Variants in COL19A1 observed in about 807,000 individuals in gnomAD.
COL19A1 encodes the protein collagen alpha-1(XIX) chain.
In COL19A1, 159 loss-of-function variants were observed where a neutral mutation model predicts 190.2. The ratio of observed to expected loss-of-function variants is 0.84; its 90% confidence interval spans 0.73 to 0.95. The LOEUF (loss-of-function observed/expected upper bound fraction) is 0.95, where lower values mean the gene tolerates loss of function less well. Ranked by LOEUF, COL19A1 falls within the 40% of genes least tolerant of loss-of-function variation. COL19A1 has a pLI of 0.00. For synonymous variants in COL19A1, 509 were observed against 458.9 expected, an observed-to-expected ratio of 1.11 and a Z score of -1.39; for missense variants, 1,418 against 1,431.9, an observed-to-expected ratio of 0.99 and a Z score of 0.16.
At chr6:69,983,304 C>T (rs189200624) in intron 11 of COL19A1, among the ~76,000 whole-genome samples, 68 of 152,196 alleles carry the variant, frequency 4.5e-4, no homozygotes, top group Non-Finnish European at 7.4e-4. Flanking sequence ...ATTTTAACTT[C>T]CAATTGCTTC....
intron 15 of COL19A1, among the ~76,000 whole-genome samples, chr6:70,071,545 TG>T (rs1781557500): frequency 6.6e-6 from 1 of 152,314 alleles, no homozygotes; most frequent in South Asian, 2.1e-4. Flanking sequence ...TTTCATTTTT[TG>T]GATCTTTTAT....
At chr6:70,023,356 G>C (rs1051496994) in intron 11 of COL19A1, among the ~76,000 whole-genome samples, 1 of 151,962 alleles carries the variant, frequency 6.6e-6, no homozygotes, top group African/African-American at 2.4e-5. Context: ...GGCTGGTCTC[G>C]AAATCCTGAC....
At chr6:70,146,433 C>A (rs888958543) in intron 25 of COL19A1, among the ~76,000 whole-genome samples, 1 of 151,794 alleles carries the variant, frequency 6.6e-6, no homozygotes. Flanking sequence ...AATAATATTT[C>A]TCAATATCAG....
intron 35 of COL19A1, 92 bp from the exon 36 acceptor site, chr6:70,163,251 T>A: frequency 8.6e-7 from 1 of 1,160,512 alleles, no homozygotes; most frequent in South Asian, 1.4e-5. Flanking sequence ...TCAAATGACC[T>A]TCAAAATGTG....
intron 15 of COL19A1, among the ~76,000 whole-genome samples, chr6:70,082,097 A>T (rs1782291948): frequency 6.6e-6 from 1 of 152,158 alleles, no homozygotes; most frequent in African/African-American, 2.4e-5. Context: ...AACATTTCAA[A>T]TTTTATTTTC....
intron 48 of COL19A1, among the ~76,000 whole-genome samples, chr6:70,198,798 G>A (rs1257852254): frequency 6.6e-6 from 1 of 152,122 alleles, no homozygotes; most frequent in Non-Finnish European, 1.5e-5. Context: ...ATGGGTCAGG[G>A]ACTTGAAGTG....
intron 15 of COL19A1, among the ~76,000 whole-genome samples, chr6:70,097,711 G>A (rs3806025): frequency 0.072 from 10,969 of 152,104 alleles, 430 homozygotes; most frequent in African/African-American, 0.087. Flanking sequence ...GGTTTCCAGG[G>A]CAACTTAATA....
chr6:70,189,888 T>C (rs1349421501), intron 47 of COL19A1, among the ~76,000 whole-genome samples: 1 of 152,242 alleles, frequency 6.6e-6, no homozygotes, highest in Non-Finnish European at 1.5e-5. Flanking sequence ...TGTCTTCCTT[T>C]GAAAATACAT....
intron 11 of COL19A1, among the ~76,000 whole-genome samples, chr6:70,003,445 G>T (rs1777401193): frequency 6.6e-6 from 1 of 152,078 alleles, no homozygotes; most frequent in African/African-American, 2.4e-5. Flanking sequence ...CTGTTTTATT[G>T]ATCTGTCTAA....
chr6:70,030,584 G>C (rs1412199850), intron 12 of COL19A1, among the ~76,000 whole-genome samples: 3 of 152,188 alleles, frequency 2.0e-5, no homozygotes, highest in African/African-American at 7.2e-5. Context: ...CATGTTTGCA[G>C]ACGTTCAATA....
intron 9 of COL19A1, among the ~76,000 whole-genome samples, chr6:69,951,263 C>G (rs1774109024): frequency 6.6e-6 from 1 of 151,842 alleles, no homozygotes; most frequent in Non-Finnish European, 1.5e-5. Flanking sequence ...TCAGTTTTCT[C>G]TTTTATAAAA....
intron 42 of COL19A1, 97 bp from the exon 43 acceptor site, chr6:70,180,215 G>A (rs886315741): frequency 1.5e-6 from 2 of 1,379,212 alleles, no homozygotes; most frequent in East Asian, 2.3e-5. Context: ...ATCACCCTTG[G>A]GAGCACTATA....
chr6:69,906,250 G>T (rs1770541315), intron 4 of COL19A1, among the ~76,000 whole-genome samples: 1 of 152,164 alleles, frequency 6.6e-6, no homozygotes, highest in Admixed American at 6.5e-5. Flanking sequence ...TGTTGGTTCT[G>T]AAGGAGCAAC....
Position 70,207,364 on chromosome 6 carries a change from CTTTTTTTTT to C in COL19A1, c.*105_*113del. ...TCAAACCCTCATCATCTGTGGGTTG[CTTTTTTTTT>C]TTTTTTTTTTTTTTGGGAGTAAGCC... On this transcript the variant is annotated 3_prime_UTR_variant, in exon 51 of 51. Transcript: ENST00000620364. 2.8e-5 allele frequency: 5 copies of C among 176,748 alleles called. No homozygotes were observed. Among genetic ancestry groups the C allele is most frequent in the Admixed American group, 1.0e-4 (1 of 9,916 alleles). 10.9% of individuals were successfully genotyped at this position (176,748 alleles called of 1,614,324 possible).
rs990972631 is a variant in COL19A1, at chr6:70,145,065, G to A, written c.1770+58G>A. 6 of 1,237,080 alleles carry A rather than the reference G, an allele frequency of 4.9e-6. No individual in the cohort carries two copies. In the African/African-American group the frequency reaches 9.0e-5, roughly 19 times the overall value. The allele number at this position is 1,237,080 out of a possible 1,614,324, so 76.6% of individuals were successfully genotyped here. A position where few individuals can be genotyped will look rare whatever the true frequency, so the allele number is the denominator to read the frequency against. The stretch of plus-strand genomic sequence containing the variant: ...TGCAAGTTCATTAATTACTACTTGT[G>A]GGTTCCTAGTTTCAGATCACAAGTA... On this transcript the variant is annotated intron_variant, in intron 25 of 50. Transcript: ENST00000620364.
At chr6:70,041,263 G>T (rs952171578) in intron 14 of COL19A1, among the ~76,000 whole-genome samples, 7 of 151,868 alleles carry the variant, frequency 4.6e-5, no homozygotes, top group African/African-American at 1.5e-4. Context: ...TAATTAGTTT[G>T]GTACTAACAA....
chr6:70,095,629 C>T (rs1783204601), intron 15 of COL19A1, among the ~76,000 whole-genome samples: 1 of 152,172 alleles, frequency 6.6e-6, no homozygotes, highest in Admixed American at 6.5e-5. Flanking sequence ...AAACAGATCT[C>T]CAGAACATTT....
intron 15 of COL19A1, among the ~76,000 whole-genome samples, chr6:70,093,803 T>C (rs546366968): frequency 6.6e-5 from 10 of 152,204 alleles, no homozygotes; most frequent in Non-Finnish European, 1.3e-4. Context: ...GAGGTTTAGA[T>C]AATGATGTCA....
intron 9 of COL19A1, among the ~76,000 whole-genome samples, chr6:69,952,531 A>G (rs925415169): frequency 6.8e-4 from 104 of 151,964 alleles, no homozygotes; most frequent in African/African-American, 2.5e-3. Flanking sequence ...AGCTGTATAT[A>G]TTAAAGCACT....
Sources: gnomAD v4.1 joint callset for allele counts (sites outside exome capture counted in the v4.1 genomes callset) on GRCh38, gnomAD v4.1.1 for gene constraint, MANE v1.5 for transcripts, NCBI Gene and HGNC (gene_info 2026-07-23, HGNC 2026-07-21) for gene names.